TMEM71: variants seen among roughly 807,000 people sequenced by gnomAD.
TMEM71 encodes transmembrane protein 71.
TMEM71 carries 44 observed loss-of-function variants against 38.0 expected under a neutral mutation model. The observed-to-expected ratio is 1.16, with a 90% CI of 0.91 to 1.49. The LOEUF (loss-of-function observed/expected upper bound fraction) is 1.49. Ranked by LOEUF, TMEM71 falls within the 40% of genes most tolerant of loss-of-function variation. The pLI is 0.00. For synonymous variants in TMEM71, 133 were observed against 122.5 expected (o/e 1.09, Z -0.56); for missense variants, 367 against 348.6 (o/e 1.05, Z -0.42).
At chr8:132,766,458 C>T in the TMEM71 span, among the ~76,000 whole-genome samples, 1 of 151,894 alleles carries the variant, frequency 6.6e-6, no homozygotes, top group African/African-American at 2.4e-5. Flanking sequence ...CTACAGCCCT[C>T]CACATTGGTC....
chr8:132,749,117 G>A (rs916235053), intron 4 of TMEM71, among the ~76,000 whole-genome samples: 4 of 152,184 alleles, frequency 2.6e-5, no homozygotes, highest in African/African-American at 4.8e-5. Context: ...GAAATGAGAA[G>A]AAAGAAAATG....
intron 6 of TMEM71, among the ~76,000 whole-genome samples, chr8:132,722,369 A>T (rs1328587457): frequency 6.6e-6 from 1 of 152,246 alleles, no homozygotes; most frequent in African/African-American, 2.4e-5. Flanking sequence ...CTATTTTCAC[A>T]GTTTAGGGCT....
intron 5 of TMEM71, among the ~76,000 whole-genome samples, chr8:132,736,563 C>T (rs1331592053): frequency 6.6e-6 from 1 of 152,136 alleles, no homozygotes; most frequent in Non-Finnish European, 1.5e-5. Context: ...GGCATGGTGG[C>T]TCACACCTGT....
At chr8:132,747,508 C>T (rs1287584395) in intron 4 of TMEM71, among the ~76,000 whole-genome samples, 1 of 152,154 alleles carries the variant, frequency 6.6e-6, no homozygotes, top group Non-Finnish European at 1.5e-5. Flanking sequence ...AACTTAGGCA[C>T]AGATAGGTTA....
At chr8:132,734,056 C>T (rs2739017) in intron 5 of TMEM71, among the ~76,000 whole-genome samples, 102,143 of 151,710 alleles carry the variant, frequency 0.67, 35,093 homozygotes, top group South Asian at 0.78. Flanking sequence ...GTCTCAGTTA[C>T]GCTGGAAGGA....
chr8:132,727,450 G>A (rs1827208465), intron 6 of TMEM71, among the ~76,000 whole-genome samples: 1 of 151,990 alleles, frequency 6.6e-6, no homozygotes, highest in Non-Finnish European at 1.5e-5. Context: ...TAGAGACAGT[G>A]TTTCACCATG....
At chr8:132,709,757 T>C (rs187136981), downstream of TMEM71, among the ~76,000 whole-genome samples, 3 of 152,260 alleles carry the variant, frequency 2.0e-5, no homozygotes, top group African/African-American at 7.2e-5. Context: ...TCTGCTGACC[T>C]TTATTTTAGA....
At chr8:132,737,526 T>C (rs1039630046) in intron 5 of TMEM71, among the ~76,000 whole-genome samples, 2 of 152,228 alleles carry the variant, frequency 1.3e-5, no homozygotes, top group African/African-American at 4.8e-5. Context: ...TTTCCCAGGA[T>C]TAAGAGCACA....
intron 6 of TMEM71, among the ~76,000 whole-genome samples, chr8:132,724,527 G>T (rs1291818701): frequency 6.6e-6 from 1 of 152,094 alleles, no homozygotes; most frequent in Admixed American, 6.5e-5. Context: ...CAGACTTTAT[G>T]GTTGTCTTCC....
chr8:132,751,653 A>G (rs1043633834), intron 4 of TMEM71, 132 bp downstream of exon 4: 2 of 829,894 alleles, frequency 2.4e-6, no homozygotes, highest in Non-Finnish European at 3.9e-6. Flanking sequence ...GTCCCCTCTT[A>G]CCCTTTGTAT....
At chr8:132,734,286 G>A (rs541902966) in intron 5 of TMEM71, among the ~76,000 whole-genome samples, 6 of 152,114 alleles carry the variant, frequency 3.9e-5, no homozygotes, top group Admixed American at 1.3e-4. Context: ...TATGTCTAAA[G>A]TCATAAAATT....
At chr8:132,744,370 T>C (rs1828216953) in intron 5 of TMEM71, among the ~76,000 whole-genome samples, 1 of 152,124 alleles carries the variant, frequency 6.6e-6, no homozygotes, top group African/African-American at 2.4e-5. Flanking sequence ...TGTACCCTAA[T>C]AACATTGTGT....
At chr8:132,721,537 T>TTCTTTTTTTTTTG (rs1167693165) in intron 7 of TMEM71, among the ~76,000 whole-genome samples, 2 of 151,842 alleles carry the variant, frequency 1.3e-5, no homozygotes, top group Non-Finnish European at 2.9e-5. Context: ...GGTTTTCTTT[T>TTCTTTTTTTTTTG]TCTTTTTTTT....
intron 4 of TMEM71, among the ~76,000 whole-genome samples, chr8:132,749,607 C>T (rs1348364093): frequency 2.6e-5 from 4 of 152,146 alleles, no homozygotes; most frequent in Non-Finnish European, 4.4e-5. Context: ...CTACAAGGCT[C>T]GCATGTTTAG....
intron 7 of TMEM71, among the ~76,000 whole-genome samples, chr8:132,716,106 G>T (rs965825975): frequency 6.6e-6 from 1 of 152,286 alleles, no homozygotes; most frequent in South Asian, 2.1e-4. Flanking sequence ...AGCTGCAGCC[G>T]CTCAGCCATG....
At position 132,735,539 on chromosome 8, in the gene TMEM71, G is replaced by A. The variant is rs1363201462; in HGVS notation, c.488-7553C>T. On this transcript the variant is annotated intron_variant, in intron 5 of 9. Transcript: ENST00000677595. ...CAGAGATGAAAGATTTCAAAGTTCT[G>A]TGTGCGCCCAGGTTGACTAATTACT... Among the ~76,000 whole-genome samples, 4 of 152,312 alleles carry A rather than the reference G, an allele frequency of 2.6e-5. No individual in the cohort carries two copies. In the East Asian group the frequency reaches 7.7e-4, roughly 29 times the overall value.
At chr8:132,755,189 T>G (rs2131196641) in intron 3 of TMEM71, among the ~76,000 whole-genome samples, 1 of 152,300 alleles carries the variant, frequency 6.6e-6, no homozygotes, top group South Asian at 2.1e-4. Flanking sequence ...TTATCAACTG[T>G]AGCCTCCCTA....
chr8:132,743,697 G>T (rs1461856806), intron 5 of TMEM71, among the ~76,000 whole-genome samples: 1 of 152,054 alleles, frequency 6.6e-6, no homozygotes, highest in South Asian at 2.1e-4. Flanking sequence ...ATGACTCCCA[G>T]ATGTATAACT....
intron 5 of TMEM71, among the ~76,000 whole-genome samples, chr8:132,742,901 G>A (rs1260159463): frequency 6.6e-6 from 1 of 152,196 alleles, no homozygotes; most frequent in Non-Finnish European, 1.5e-5. Flanking sequence ...CACAGTCATG[G>A]CGGAAGGCAA....
Sources: allele counts gnomAD v4.1 joint callset (sites outside exome capture counted in the v4.1 genomes callset), GRCh38; gene constraint gnomAD v4.1.1; transcripts MANE v1.5; gene names NCBI Gene and HGNC (gene_info 2026-07-23, HGNC 2026-07-21).